Variants in LCT observed in about 807,000 individuals in gnomAD.
LCT encodes the protein lactase, also known as lactase/phlorizin hydrolase.
In LCT, 90 loss-of-function variants were observed where a neutral mutation model predicts 173.0. The observed-to-expected ratio is 0.52, with a 90% CI of 0.44 to 0.62. The LOEUF (loss-of-function observed/expected upper bound fraction) is 0.62. Ranked by LOEUF, LCT falls within the 20% of genes least tolerant of loss-of-function variation. The pLI is 0.00. For synonymous variants in LCT, 853 were observed against 957.6 expected, an observed-to-expected ratio of 0.89 and a Z score of 2.02; for missense variants, 1,864 against 2,431.4, an observed-to-expected ratio of 0.77 and a Z score of 4.91.
intron 3 of LCT, 110 bp downstream of exon 3, chr2:135,829,473 AGCCGGTCTCT>A: frequency 1.3e-6 from 1 of 796,260 alleles, no homozygotes; most frequent in South Asian, 1.4e-5. Context: ...GACACAACTC[AGCCGGTCTCT>A]GCTGTTGATG....
intron 7 of LCT, among the ~76,000 whole-genome samples, chr2:135,810,895 C>T (rs1020446396): frequency 6.6e-5 from 10 of 151,960 alleles, no homozygotes; most frequent in Admixed American, 2.0e-4. Flanking sequence ...GGCGTGGTGA[C>T]GGGAGCCTGT....
intron 14 of LCT, among the ~76,000 whole-genome samples, chr2:135,791,267 G>A (rs1238725157): frequency 2.6e-5 from 4 of 152,348 alleles, no homozygotes; most frequent in Admixed American, 6.5e-5. Flanking sequence ...TCAGAGAATG[G>A]GCTCCCCCAA....
At chr2:135,807,053 T>A in intron 9 of LCT, 75 bp downstream of exon 9, 1 of 1,545,532 alleles carries the variant, frequency 6.5e-7, no homozygotes, top group Non-Finnish European at 8.9e-7. Context: ...CATCTGCCCT[T>A]CCCAGCACTG....
At chr2:135,834,808 AAAG>A in intron 1 of LCT, among the ~76,000 whole-genome samples, 1 of 138,240 alleles carries the variant, frequency 7.2e-6, no homozygotes, top group Non-Finnish European at 1.6e-5. Context: ...AAAAAAAAAA[AAAG>A]AAGAAGAAAA....
Position 135,836,428 on chromosome 2 carries a change from T to C in LCT, c.640+102A>G, listed in dbSNP as rs1021278312. 6.6e-6 allele frequency: 7 copies of C among 1,053,348 alleles called. No homozygotes were observed. The Admixed American group carries it at 1.2e-4, about 18-fold the overall frequency. The allele number at this position is 1,053,348 out of a possible 1,614,324, so 65.3% of individuals were successfully genotyped here. Reference sequence around the variant, plus strand: ...CTATGCACAGACATAAGAGGACTGCTGAAGGTGAGTTGGGAGAAATGTCGA... The same window carrying C: ...CTATGCACAGACATAAGAGGACTGCCGAAGGTGAGTTGGGAGAAATGTCGA... On this transcript the variant is annotated intron_variant, in intron 1 of 16. Transcript: ENST00000264162.
rs1448903845 is a variant in LCT at position 135,817,573 on chromosome 2, A to G, written c.1475T>C (p.Met492Thr). The change falls in exon 6 of 17, where the codon ATG becomes ACG. Residue 492 changes from methionine to threonine, a missense_variant. Around this residue, in one of 4 missense-constraint regions of LCT, gnomAD observed 183 missense variants for 293.1 expected, o/e 0.62. Transcript: ENST00000264162. ...DRLQDAGIEPMATLFHWDLPQ... is the reference protein window; with the variant it reads ...DRLQDAGIEPTATLFHWDLPQ... Reference sequence around the variant, plus strand: ...CAGGTCCCAGTGGAACAGCGTGGCCATGGGCTCGATGCCCGCATCCTGTAG... The same window carrying G: ...CAGGTCCCAGTGGAACAGCGTGGCCGTGGGCTCGATGCCCGCATCCTGTAG... The G allele has an allele frequency of 1.2e-6, 2 of 1,613,992 alleles. No individual in the cohort carries two copies. Among genetic ancestry groups the G allele is most frequent in the Non-Finnish European group, 1.7e-6 (2 of 1,180,032 alleles).
intron 12 of LCT, among the ~76,000 whole-genome samples, chr2:135,798,782 C>T (rs2077602516): frequency 6.6e-6 from 1 of 152,178 alleles, no homozygotes; most frequent in South Asian, 2.1e-4. Flanking sequence ...TCCTCACCCA[C>T]TGGCTGCTGC....
Position 135,837,102 on chromosome 2 carries a change from TCCCAGTCTGACC to T in LCT, c.56_67del (p.Gly19_Trp22del). On this transcript the variant is annotated inframe_deletion, in exon 1 of 17. Coordinates refer to ENST00000264162, the MANE Select transcript of LCT (RefSeq NM_002299.4). The stretch of plus-strand genomic sequence containing the variant: ...GGTGGAAATGAAATTTCTATCAGAC[TCCCAGTCTGACC>T]CCCAGCATGAAAAACTTAGCAGGGC... 1 of 1,613,940 alleles carries T rather than the reference TCCCAGTCTGACC, an allele frequency of 6.2e-7. No individual in the cohort carries two copies. Among genetic ancestry groups the T allele is most frequent in the South Asian group, 1.1e-5 (1 of 91,062 alleles).
chr2:135,832,484 T>C (rs2077948576), intron 2 of LCT, among the ~76,000 whole-genome samples: 1 of 151,506 alleles, frequency 6.6e-6, no homozygotes, highest in East Asian at 1.9e-4. Context: ...TATACGTACA[T>C]TTTTAATTTT....
intron 14 of LCT, among the ~76,000 whole-genome samples, chr2:135,793,574 C>T (rs2077551091): frequency 6.6e-6 from 1 of 152,140 alleles, no homozygotes; most frequent in African/African-American, 2.4e-5. Context: ...TTCTATAAGA[C>T]CCCCAAAAGG....
intron 1 of LCT, 89 bp from the exon 2 acceptor site, chr2:135,833,279 C>T (rs1203682649): frequency 1.1e-6 from 1 of 905,816 alleles, no homozygotes; most frequent in Non-Finnish European, 1.9e-6. Context: ...TTCCTATGGA[C>T]CTGAAGAAAT....
rs2077528793 is a variant in LCT, at chr2:135,790,858, C to T, written c.5135G>A (p.Arg1712His). 10 of 1,614,080 alleles carry T rather than the reference C, an allele frequency of 6.2e-6. No homozygotes were observed. Among genetic ancestry groups the T allele is most frequent in the African/African-American group, 2.7e-5 (2 of 75,020 alleles). ...GAAGGAGCCAGAGTCTGGCCACGAG[C>T]GATCTGCGATGGAAGCAACTCCTCT... ...ADRGVASIADRSWPDSGSFWL... is the reference protein window; with the variant it reads ...ADRGVASIADHSWPDSGSFWL... Residue 1712 changes from arginine to histidine, a missense_variant, in exon 15 of 17, where the codon CGC becomes CAC. By Grantham distance (29) the Arg-to-His change is conservative. Coordinates refer to ENST00000264162, the MANE Select transcript of LCT (RefSeq NM_002299.4). This position sits in a 1 kb window ranked among gnomAD's most constrained non-coding sequence, Gnocchi z 4.1.
At chr2:135,798,532 C>T (rs978520008) in intron 12 of LCT, among the ~76,000 whole-genome samples, 1 of 152,218 alleles carries the variant, frequency 6.6e-6, no homozygotes, top group Non-Finnish European at 1.5e-5. Flanking sequence ...GCTGCACTTC[C>T]TCATCAAAGT....
intron 11 of LCT, among the ~76,000 whole-genome samples, chr2:135,802,371 C>G (rs1368050460): frequency 1.3e-5 from 2 of 152,102 alleles, no homozygotes; most frequent in Admixed American, 1.3e-4. Context: ...GGTATTTATC[C>G]AAAGGAAAGT....
rs754200864 is a variant in LCT at position 135,812,929 on chromosome 2, C to A, written c.1735G>T (p.Ala579Ser). The change falls in exon 7 of 17, where the codon GCC becomes TCC. Residue 579 changes from alanine to serine, a missense_variant. This residue lies in a region of LCT where 183 missense variants were observed against 293.1 expected (regional missense o/e 0.62). Coordinates refer to ENST00000264162, the MANE Select transcript of LCT (RefSeq NM_002299.4). ...CTGTTGTAGTGGTGCCAAGTTCTGGCATGAGCCTTGAGGACCAAGTGAGCC... is the reference window on the plus strand; with the variant it reads ...CTGTTGTAGTGGTGCCAAGTTCTGGAATGAGCCTTGAGGACCAAGTGAGCC... The part of the protein sequence containing the change: ...KVAHLVLKAH[A>S]RTWHHYNSHH... 6.2e-7 allele frequency: 1 copy of A among 1,614,170 alleles called. No individual in the cohort carries two copies. Among genetic ancestry groups the A allele is most frequent in the Non-Finnish European group, 8.5e-7 (1 of 1,180,032 alleles).
In LCT at chr2:135,787,940, C is replaced by T; in HGVS notation, c.*384G>A. 3.4e-6 allele frequency: 1 copy of T among 295,134 alleles called. No individual in the cohort carries two copies. Among genetic ancestry groups the T allele is most frequent in the Non-Finnish European group, 6.6e-6 (1 of 152,010 alleles). 18.3% of individuals were successfully genotyped at this position (295,134 alleles called of 1,614,324 possible). On this transcript the variant is annotated 3_prime_UTR_variant, in exon 17 of 17. Transcript: ENST00000264162. ...GCAGGAGATGATATTGCAGTCTATG[C>T]AATGGAGTTGATTTCTTCTTATAGG...
chr2:135,832,355 G>A (rs1280855021), intron 2 of LCT, among the ~76,000 whole-genome samples: 2 of 151,774 alleles, frequency 1.3e-5, no homozygotes. Flanking sequence ...TGGAAGTAGA[G>A]GCTGCAGTGA....
chr2:135,798,556 AC>A (rs2077600870), intron 12 of LCT, among the ~76,000 whole-genome samples: 1 of 152,188 alleles, frequency 6.6e-6, no homozygotes, highest in Non-Finnish European at 1.5e-5. Context: ...CAAGGAGCAA[AC>A]AGAACTTTCT....
chr2:135,789,484 A>G, intron 16 of LCT, 87 bp downstream of exon 16: 3 of 887,352 alleles, frequency 3.4e-6, no homozygotes, highest in East Asian at 5.0e-5. Flanking sequence ...AGAGGAGGGT[A>G]ATAAACTAGA....
Sources: gnomAD v4.1 joint callset for allele counts (sites outside exome capture counted in the v4.1 genomes callset) on GRCh38, gnomAD v4.1.1 for gene constraint, gnomAD v4.1.1 regional missense constraint, Gnocchi (gnomAD v3.1) non-coding constraint, MANE v1.5 for transcripts, NCBI Gene and HGNC (gene_info 2026-07-23, HGNC 2026-07-21) for gene names.